The following MLXIP variants were observed in gnomAD, a reference collection of about 807,000 sequenced individuals.
The protein encoded by MLXIP is MLX-interacting protein.
In MLXIP, 30 loss-of-function variants were observed where a neutral mutation model predicts 87.2. That is an observed-to-expected ratio of 0.34 (90% CI 0.26 to 0.47). MLXIP has a LOEUF of 0.47. MLXIP is among the 20% of genes least tolerant of loss of function. MLXIP has a pLI of 1.00. For synonymous variants in MLXIP, 530 were observed against 514.0 expected (o/e 1.03, Z -0.42); for missense variants, 1,002 against 1,240.1 (o/e 0.81, Z 2.88).
intron 1 of MLXIP, among the ~76,000 whole-genome samples, chr12:122,119,271 T>C (rs1395519578): frequency 2.0e-5 from 3 of 152,306 alleles, no homozygotes; most frequent in African/African-American, 7.2e-5. Flanking sequence ...TTGGTTTTAT[T>C]TTTGTTTTTT....
chr12:122,120,609 T>A (rs1952762639), intron 1 of MLXIP, among the ~76,000 whole-genome samples: 1 of 152,212 alleles, frequency 6.6e-6, no homozygotes, highest in Non-Finnish European at 1.5e-5. Context: ...TATATTTATT[T>A]TACTACAAGA....
At chr12:122,103,753 A>C (rs1358395091) in intron 1 of MLXIP, among the ~76,000 whole-genome samples, 6 of 142,518 alleles carry the variant, frequency 4.2e-5, no homozygotes, top group African/African-American at 7.9e-5. Flanking sequence ...CTCGTCTTGA[A>C]CTCCTGACTT....
intron 16 of MLXIP, 100 bp from the exon 17 acceptor site, chr12:122,141,591 G>A (rs532197355): frequency 2.5e-4 from 378 of 1,535,060 alleles, no homozygotes; most frequent in Middle Eastern, 1.0e-3. Flanking sequence ...TGCTCGCCCC[G>A]TGCCTGAGCA....
intron 1 of MLXIP, among the ~76,000 whole-genome samples, chr12:122,101,026 T>C (rs1177851488): frequency 6.6e-6 from 1 of 152,082 alleles, no homozygotes; most frequent in Non-Finnish European, 1.5e-5. Context: ...GATCCTCAAC[T>C]CTTCAAAAAA....
intron 1 of MLXIP, among the ~76,000 whole-genome samples, chr12:122,119,341 T>C (rs1413611171): frequency 6.6e-6 from 1 of 152,216 alleles, no homozygotes; most frequent in African/African-American, 2.4e-5. Context: ...ATGTGTTATT[T>C]TAAAAATTAC....
chr12:122,141,228 C>T, intron 16 of MLXIP, 145 bp downstream of exon 16: 1 of 1,194,266 alleles, frequency 8.4e-7, no homozygotes, highest in Non-Finnish European at 1.1e-6. Flanking sequence ...AGGAGGTCCT[C>T]AGTCAGGAGC....
At chr12:122,128,964 T>C (rs1952926419) in intron 3 of MLXIP, 173 bp from the exon 4 acceptor site, 2 of 621,726 alleles carry the variant, frequency 3.2e-6, no homozygotes, top group South Asian at 3.8e-5. Context: ...CTAGAGGGTC[T>C]GCTATAGCAT....
At chr12:122,114,444 GC>G (rs1952655955) in intron 1 of MLXIP, among the ~76,000 whole-genome samples, 1 of 152,184 alleles carries the variant, frequency 6.6e-6, no homozygotes, top group South Asian at 2.1e-4. Context: ...CAGCCAAGAC[GC>G]AAGTTTTTAC....
chr12:122,126,539 C>A (rs1385915928), intron 1 of MLXIP, among the ~76,000 whole-genome samples: 1 of 152,080 alleles, frequency 6.6e-6, no homozygotes, highest in African/African-American at 2.4e-5. Flanking sequence ...CAGAATAGGC[C>A]CTGCCCTGCA....
At position 122,130,027 on chromosome 12, in the gene MLXIP, C is replaced by T. The variant is rs1318281030; in HGVS notation, c.825C>T (p.Asp275=). Residue 275 remains aspartate, a synonymous_variant, in exon 6 of 17, where the codon GAC becomes GAT. Transcript: ENST00000319080. The part of the protein sequence containing the change: ...PMEEDPLLDT[D]MLMSEFSDTL... ...AGGAGGATCCCCTGCTGGACACAGA[C>T]ATGCTCATGTCGGAATTCAGCGACA... The T allele has an allele frequency of 1.9e-6, 3 of 1,613,926 alleles. No homozygotes were observed. The highest frequency in any genetic ancestry group is 1.1e-5 in the South Asian group (1 of 91,092).
intron 1 of MLXIP, among the ~76,000 whole-genome samples, chr12:122,119,558 AT>A (rs1297247828): frequency 6.6e-6 from 1 of 151,972 alleles, no homozygotes; most frequent in South Asian, 2.1e-4. Flanking sequence ...CACCCGGCTA[AT>A]TTTTTGTATT....
At position 122,133,802 on chromosome 12, in the gene MLXIP, C is replaced by T. The variant is rs547149739; in HGVS notation, c.1547C>T (p.Pro516Leu). The T allele has an allele frequency of 8.7e-6, 14 of 1,613,080 alleles. No individual in the cohort carries two copies. The highest frequency in any genetic ancestry group is 2.2e-5 in the East Asian group (1 of 44,844). Residue 516 changes from proline (P) to leucine (L), a missense_variant, in exon 9 of 17, where the codon CCG (proline) becomes CTG (leucine). Transcript: ENST00000319080. The surrounding 1 kb of genome is among the most constrained non-coding windows in gnomAD (Gnocchi z 4.9). ...GTGATCACCACCCATCACCCTGCCC[C>T]GTCAGCGGCCCCTTGTGGGCTGGCA... is the stretch of plus-strand genomic sequence containing the variant. ...GLVITTHHPA[P>L]SAAPCGLALS... is the part of the protein sequence containing the mutation.
At chr12:122,091,781 T>C (rs569229173) in intron 1 of MLXIP, among the ~76,000 whole-genome samples, 1 of 152,302 alleles carries the variant, frequency 6.6e-6, no homozygotes, top group East Asian at 1.9e-4. Flanking sequence ...TAGTGGAGAC[T>C]GTGGTGGTGA....
chr12:122,097,351 T>G (rs1952369495), intron 1 of MLXIP, among the ~76,000 whole-genome samples: 1 of 152,128 alleles, frequency 6.6e-6, no homozygotes, highest in South Asian at 2.1e-4. Flanking sequence ...CCAGGTTTGG[T>G]GGCTCACGCC....
intron 1 of MLXIP, among the ~76,000 whole-genome samples, chr12:122,104,270 A>G (rs1033378205): frequency 5.9e-5 from 9 of 152,224 alleles, no homozygotes; most frequent in Admixed American, 3.3e-4. Flanking sequence ...GAACATTTCC[A>G]TGACCCCAGA....
At chr12:122,140,632 C>T (rs1201561659) in intron 15 of MLXIP, among the ~76,000 whole-genome samples, 2 of 152,178 alleles carry the variant, frequency 1.3e-5, no homozygotes, top group African/African-American at 2.4e-5. Flanking sequence ...CTTTGATGTT[C>T]CTGGCACTGT....
At position 122,130,591 on chromosome 12, in the gene MLXIP, T is replaced by C. The variant is rs186672125; in HGVS notation, c.911-253T>C. ...AGTGTTCGGGGAGGTCTCTGTTCTC[T>C]CTTGAGCTCTTTACAGCTTCCTGGG... On this transcript the variant is annotated intron_variant, in intron 6 of 16. Transcript: ENST00000319080. 2.3e-3 allele frequency among the ~76,000 whole-genome samples: 355 copies of C among 151,924 alleles called. 1 individual carries two copies. The highest frequency in any genetic ancestry group is 7.8e-3 in the African/African-American group (325 of 41,422).
At position 122,137,736 on chromosome 12, in the gene MLXIP, C is replaced by G. The variant is rs1197498078; in HGVS notation, c.2154+146C>G. 1.5e-6 allele frequency: 2 copies of G among 1,330,664 alleles called. No individual in the cohort carries two copies. Among genetic ancestry groups the G allele is most frequent in the Non-Finnish European group, 2.1e-6 (2 of 966,262 alleles). 82.4% of individuals were successfully genotyped at this position (1,330,664 alleles called of 1,614,324 possible). A position where few individuals can be genotyped will look rare whatever the true frequency, so the allele number is the denominator to read the frequency against. On this transcript the variant is annotated intron_variant, in intron 12 of 16. Coordinates refer to ENST00000319080, the MANE Select transcript of MLXIP (RefSeq NM_014938.6). The surrounding 1 kb of genome is among the most constrained non-coding windows in gnomAD (Gnocchi z 4.1). The stretch of plus-strand genomic sequence containing the variant: ...GGATCAGAAATGGGCTTCTCCTTGC[C>G]CCATGCCACGAACCAGCCCTGTGGG...
At chr12:122,131,409 G>T (rs2135977238) in intron 7 of MLXIP, among the ~76,000 whole-genome samples, 1 of 145,136 alleles carries the variant, frequency 6.9e-6, no homozygotes, top group East Asian at 2.0e-4. Flanking sequence ...GCCATGTGGG[G>T]TTTAGGGGTT....
Sources: gnomAD v4.1 joint callset for allele counts (sites outside exome capture counted in the v4.1 genomes callset) on GRCh38, gnomAD v4.1.1 for gene constraint, Gnocchi (gnomAD v3.1) non-coding constraint, MANE v1.5 for transcripts, NCBI Gene and HGNC (gene_info 2026-07-23, HGNC 2026-07-21) for gene names.